TBC1D4: variants seen among roughly 807,000 people sequenced by gnomAD.
TBC1D4 encodes TBC (Tre-2, BUB2, CDC16) domain-containing protein.
In TBC1D4, 121 loss-of-function variants were observed where a neutral mutation model predicts 142.5. That is an observed-to-expected ratio of 0.85 (90% CI 0.73 to 0.99). The LOEUF (loss-of-function observed/expected upper bound fraction) is 0.99. Among genes scored for constraint, TBC1D4 ranks in the 50% least tolerant of loss-of-function variants. TBC1D4 has a pLI of 0.00. For synonymous variants in TBC1D4, 630 were observed against 628.2 expected (o/e 1.00, Z -0.04); for missense variants, 1,475 against 1,606.6 (o/e 0.92, Z 1.40).
intron 1 of TBC1D4, among the ~76,000 whole-genome samples, chr13:75,474,268 T>G (rs1288680899): frequency 6.6e-6 from 1 of 152,150 alleles, no homozygotes; most frequent in Non-Finnish European, 1.5e-5. Context: ...GTGTAGCAGG[T>G]AAGAAAACTG....
intron 18 of TBC1D4, among the ~76,000 whole-genome samples, chr13:75,293,395 C>A (rs1446402688): frequency 6.6e-6 from 1 of 152,026 alleles, no homozygotes; most frequent in Non-Finnish European, 1.5e-5. Flanking sequence ...GTATAGCCAA[C>A]AGCATCATTT....
At chr13:75,317,596 T>C (rs565399325) in intron 12 of TBC1D4, among the ~76,000 whole-genome samples, 3 of 152,336 alleles carry the variant, frequency 2.0e-5, no homozygotes, top group Admixed American at 6.5e-5. Flanking sequence ...TATGTTTCCA[T>C]AGAATTTTTT....
chr13:75,432,474 G>A (rs1365655310), intron 1 of TBC1D4, among the ~76,000 whole-genome samples: 3 of 152,092 alleles, frequency 2.0e-5, no homozygotes, highest in African/African-American at 4.8e-5. Context: ...ATCATGGGTC[G>A]GGTGGAGAGA....
At chr13:75,374,422 T>C (rs1376637634) in intron 1 of TBC1D4, among the ~76,000 whole-genome samples, 1 of 152,160 alleles carries the variant, frequency 6.6e-6, no homozygotes, top group Non-Finnish European at 1.5e-5. Flanking sequence ...TTTAACTCCT[T>C]AGAGAAGCGC....
At chr13:75,378,097 A>T (rs1209326668) in intron 1 of TBC1D4, among the ~76,000 whole-genome samples, 1 of 152,136 alleles carries the variant, frequency 6.6e-6, no homozygotes, top group Non-Finnish European at 1.5e-5. Context: ...TGTAAAATAC[A>T]TCAGCATGAT....
At chr13:75,458,398 T>G (rs1396043617) in intron 1 of TBC1D4, among the ~76,000 whole-genome samples, 2 of 152,188 alleles carry the variant, frequency 1.3e-5, no homozygotes, top group African/African-American at 4.8e-5. Flanking sequence ...TCTCTACTCG[T>G]GACTCGCGGA....
At chr13:75,454,806 C>T (rs1887662067) in intron 1 of TBC1D4, among the ~76,000 whole-genome samples, 1 of 152,148 alleles carries the variant, frequency 6.6e-6, no homozygotes, top group African/African-American at 2.4e-5. Context: ...ATGATCTGAT[C>T]TAAAGGTATA....
intron 8 of TBC1D4, among the ~76,000 whole-genome samples, chr13:75,328,300 G>A (rs1313534496): frequency 1.3e-5 from 2 of 151,970 alleles, no homozygotes; most frequent in East Asian, 1.9e-4. Context: ...AAAATTTATC[G>A]GTTTTGCATC....
intron 1 of TBC1D4, among the ~76,000 whole-genome samples, chr13:75,421,608 T>C (rs578068618): frequency 3.3e-5 from 5 of 152,348 alleles, no homozygotes; most frequent in Non-Finnish European, 7.3e-5. Flanking sequence ...TGATACTCTA[T>C]TGGTTGTGTG....
intron 6 of TBC1D4, 74 bp downstream of exon 6, chr13:75,341,422 A>G (rs902404068): frequency 6.9e-7 from 1 of 1,451,186 alleles, no homozygotes; most frequent in Non-Finnish European, 9.7e-7. Flanking sequence ...GCAGAATGAA[A>G]ACAGGAACGC....
At chr13:75,349,051 G>T (rs1881390765) in intron 5 of TBC1D4, 119 bp downstream of exon 5, 3 of 1,498,908 alleles carry the variant, frequency 2.0e-6, no homozygotes, top group Admixed American at 1.7e-5. Flanking sequence ...CATGAGAAAT[G>T]ATTCTTTGGG....
intron 1 of TBC1D4, among the ~76,000 whole-genome samples, chr13:75,468,605 T>G (rs1420949384): frequency 6.6e-6 from 1 of 152,218 alleles, no homozygotes; most frequent in East Asian, 1.9e-4. Context: ...TATAATCCTT[T>G]TTAATATTAT....
chr13:75,480,817 G>A (rs968164257), intron 1 of TBC1D4, among the ~76,000 whole-genome samples: 1 of 152,172 alleles, frequency 6.6e-6, no homozygotes, highest in Non-Finnish European at 1.5e-5. Flanking sequence ...TTGAGAACTA[G>A]TGAGGACCTC....
intron 1 of TBC1D4, among the ~76,000 whole-genome samples, chr13:75,424,207 A>C (rs1257032390): frequency 6.7e-6 from 1 of 150,220 alleles, no homozygotes; most frequent in African/African-American, 2.5e-5. Flanking sequence ...CAGGTGTTTG[A>C]GGTTGCAGTG....
chr13:75,481,204 CTCCCGCCCTG>C, intron 1 of TBC1D4, 56 bp downstream of exon 1: 1 of 1,408,458 alleles, frequency 7.1e-7, no homozygotes, highest in Non-Finnish European at 9.7e-7. Flanking sequence ...GTCCCCGCCC[CTCCCGCCCTG>C]CTCCCCGATC....
chr13:75,450,032 G>A (rs1165541655), intron 1 of TBC1D4, among the ~76,000 whole-genome samples: 1 of 152,136 alleles, frequency 6.6e-6, no homozygotes, highest in African/African-American at 2.4e-5. Context: ...ACACAAATAT[G>A]AAGAATAAAC....
intron 1 of TBC1D4, among the ~76,000 whole-genome samples, chr13:75,459,083 G>C (rs1887861111): frequency 6.6e-6 from 1 of 152,058 alleles, no homozygotes; most frequent in Non-Finnish European, 1.5e-5. Flanking sequence ...CTCACTCGTT[G>C]GCACACCTGC....
At chr13:75,385,412 GA>G (rs1488739746) in intron 1 of TBC1D4, among the ~76,000 whole-genome samples, 2 of 152,160 alleles carry the variant, frequency 1.3e-5, no homozygotes, top group Admixed American at 1.3e-4. Context: ...CACCCTCCTA[GA>G]TCACAATACT....
intron 18 of TBC1D4, among the ~76,000 whole-genome samples, chr13:75,293,700 TTA>T (rs1440696296): frequency 6.6e-6 from 1 of 152,210 alleles, no homozygotes; most frequent in East Asian, 1.9e-4. Flanking sequence ...TTGCTGCATT[TTA>T]TAAATTGTAG....
Sources: gnomAD v4.1 joint callset for allele counts (sites outside exome capture counted in the v4.1 genomes callset) on GRCh38, gnomAD v4.1.1 for gene constraint, MANE v1.5 for transcripts, NCBI Gene and HGNC (gene_info 2026-07-23, HGNC 2026-07-21) for gene names.